FAM184B: variants seen among roughly 807,000 people sequenced by gnomAD.
The protein encoded by FAM184B is protein FAM184B.
A neutral mutation model predicts 135.9 loss-of-function variants in FAM184B; 111 were observed. The ratio of observed to expected loss-of-function variants is 0.82; its 90% CI spans 0.70 to 0.96. The LOEUF (loss-of-function observed/expected upper bound fraction) is 0.96. Ranked by LOEUF, FAM184B falls within the 40% of genes least tolerant of loss-of-function variation. FAM184B has a pLI of 0.00. For synonymous variants in FAM184B, 552 were observed against 524.8 expected, an observed-to-expected ratio of 1.05 and a Z score of -0.71; for missense variants, 1,375 against 1,323.9, an observed-to-expected ratio of 1.04 and a Z score of -0.60.
At chr4:17,740,879 C>A (rs761771773) in intron 1 of FAM184B, among the ~76,000 whole-genome samples, 58 of 152,266 alleles carry the variant, frequency 3.8e-4, no homozygotes, top group South Asian at 1.2e-3. Context: ...AAGCAAGCTG[C>A]ATAACCTTGC....
rs116780725 is a variant in FAM184B at position 17,658,880 on chromosome 4, C to A, written c.1825-318G>T. Among the ~76,000 whole-genome samples the A allele has an allele frequency of 6.3e-3, 954 of 152,182 alleles. 11 individuals are homozygous for A. Among genetic ancestry groups the A allele is most frequent in the Non-Finnish European group, 5.7e-3 (387 of 68,004 alleles). ...TCAGGTGCTGCTCGAATCTGGCTTC[C>A]TCACTAAGGATTCTCCTGATAGCCC... is the stretch of plus-strand genomic sequence containing the variant. On this transcript the variant is annotated intron_variant, in intron 9 of 17. Transcript: ENST00000265018.
At chr4:17,635,339 G>A (rs779377708) in intron 15 of FAM184B, among the ~76,000 whole-genome samples, 6 of 152,134 alleles carry the variant, frequency 3.9e-5, no homozygotes, top group Non-Finnish European at 5.9e-5. Flanking sequence ...GATGCCTTAG[G>A]AAATTGAAAA....
chr4:17,688,280 T>C (rs1486718804), intron 7 of FAM184B, 144 bp downstream of exon 7: 2 of 165,196 alleles, frequency 1.2e-5, no homozygotes, highest in African/African-American at 4.6e-4. Flanking sequence ...TTGTGGTGAT[T>C]TTTTTTTTTT....
chr4:17,758,646 C>T (rs1008366412), intron 1 of FAM184B, among the ~76,000 whole-genome samples: 2 of 152,190 alleles, frequency 1.3e-5, no homozygotes, highest in Admixed American at 6.5e-5. Flanking sequence ...AGTGAGGGTG[C>T]TCCTACGGTG....
chr4:17,673,387 C>T (rs1328726787), intron 7 of FAM184B, among the ~76,000 whole-genome samples: 3 of 152,100 alleles, frequency 2.0e-5, no homozygotes, highest in Non-Finnish European at 4.4e-5. Context: ...CTAGGAACTA[C>T]CGTTTGATCC....
At chr4:17,659,233 G>A (rs1006704058) in intron 9 of FAM184B, among the ~76,000 whole-genome samples, 12 of 151,404 alleles carry the variant, frequency 7.9e-5, no homozygotes, top group African/African-American at 2.7e-4. Flanking sequence ...AGCCTGCCGC[G>A]TAGCTGGGAG....
chr4:17,712,953 A>C (rs2108968378), intron 1 of FAM184B, among the ~76,000 whole-genome samples: 1 of 152,328 alleles, frequency 6.6e-6, no homozygotes. Context: ...TGTGTAATAG[A>C]TTTAATAACG....
At chr4:17,671,270 TAGC>T (rs1716164043) in intron 7 of FAM184B, among the ~76,000 whole-genome samples, 1 of 152,042 alleles carries the variant, frequency 6.6e-6, no homozygotes, top group Admixed American at 6.6e-5. Context: ...TTGGCATGTC[TAGC>T]ACCCCAAGTT....
chr4:17,756,452 T>TA (rs1718423813), intron 1 of FAM184B, among the ~76,000 whole-genome samples: 1 of 152,160 alleles, frequency 6.6e-6, no homozygotes, highest in African/African-American at 2.4e-5. Flanking sequence ...CCTCCTCTAA[T>TA]AAAAAACCTC....
At chr4:17,685,464 G>A (rs1391579593) in intron 7 of FAM184B, among the ~76,000 whole-genome samples, 5 of 149,140 alleles carry the variant, frequency 3.4e-5, no homozygotes, top group African/African-American at 9.9e-5. Context: ...CAGAAGAATC[G>A]CTTGAACCCG....
chr4:17,732,332 A>G (rs1284922323), intron 1 of FAM184B, among the ~76,000 whole-genome samples: 2 of 152,186 alleles, frequency 1.3e-5, no homozygotes, highest in Admixed American at 6.6e-5. Context: ...AAATAACTAA[A>G]ATCAGAGCAG....
intron 7 of FAM184B, among the ~76,000 whole-genome samples, chr4:17,676,698 A>C (rs1227801105): frequency 6.6e-6 from 1 of 152,194 alleles, no homozygotes; most frequent in Non-Finnish European, 1.5e-5. Flanking sequence ...CCTATTGCCT[A>C]ATGATGACAT....
At position 17,647,092 on chromosome 4, in the gene FAM184B, G is replaced by A. The variant is rs888203361; in HGVS notation, c.2346+545C>T. Among the ~76,000 whole-genome samples, 10 of 151,942 alleles carry A rather than the reference G, an allele frequency of 6.6e-5. No homozygotes were observed. The South Asian group carries it at 1.2e-3, about 19-fold the overall frequency. ...CACCAACACCCTGAGATACCATTGC[G>A]TCTGAATTATAAATAACATGCAGCA... On this transcript the variant is annotated intron_variant, in intron 12 of 17. Transcript: ENST00000265018.
rs943474647 is a variant in FAM184B at position 17,631,891 on chromosome 4, C to T, written c.*641G>A. On this transcript the variant is annotated 3_prime_UTR_variant, in exon 18 of 18. Transcript: ENST00000265018. ...CTAGCATCCTAAGGACAAGTACAAC[C>T]ACTTTTGAAATAGATCATGGAAATC... 4 of 152,074 alleles carry T rather than the reference C, an allele frequency of 2.6e-5. No homozygotes were observed. The highest frequency in any genetic ancestry group is 7.2e-5 in the African/African-American group (3 of 41,394). The allele number at this position is 152,074 out of a possible 1,614,324, so 9.4% of individuals were successfully genotyped here.
intron 1 of FAM184B, among the ~76,000 whole-genome samples, chr4:17,766,150 C>T (rs1718681391): frequency 6.6e-6 from 1 of 152,212 alleles, no homozygotes; most frequent in South Asian, 2.1e-4. Flanking sequence ...CTGGGTCAGG[C>T]AGCCTGCTTT....
intron 7 of FAM184B, among the ~76,000 whole-genome samples, chr4:17,682,756 C>T (rs1279067585): frequency 6.6e-6 from 1 of 152,150 alleles, no homozygotes; most frequent in African/African-American, 2.4e-5. Flanking sequence ...GCCTCCGTCT[C>T]TCGAAATGCT....
chr4:17,712,676 A>G (rs1309914933), intron 1 of FAM184B, among the ~76,000 whole-genome samples: 1 of 152,160 alleles, frequency 6.6e-6, no homozygotes, highest in Admixed American at 6.5e-5. Context: ...AGGCTGAGCA[A>G]GTGGGGAGCC....
At chr4:17,667,341 G>A (rs947662387) in intron 7 of FAM184B, among the ~76,000 whole-genome samples, 1 of 152,198 alleles carries the variant, frequency 6.6e-6, no homozygotes, top group African/African-American at 2.4e-5. Flanking sequence ...GTGGCTGGAG[G>A]GTGGCGTGTG....
intron 13 of FAM184B, among the ~76,000 whole-genome samples, chr4:17,639,756 T>G (rs1715253070): frequency 6.6e-6 from 1 of 151,672 alleles, no homozygotes; most frequent in South Asian, 2.1e-4. Flanking sequence ...CAGTATGGCC[T>G]GAACGCTGGG....
Sources: gnomAD v4.1 joint callset for allele counts (sites outside exome capture counted in the v4.1 genomes callset) on GRCh38, gnomAD v4.1.1 for gene constraint, MANE v1.5 for transcripts, NCBI Gene and HGNC (gene_info 2026-07-23, HGNC 2026-07-21) for gene names.